The following CCDC85C variants were observed in gnomAD, a reference collection of about 807,000 sequenced individuals.
CCDC85C encodes the protein coiled-coil domain containing 85C.
In CCDC85C, 18 loss-of-function variants were observed where a neutral mutation model predicts 38.3. The observed-to-expected ratio is 0.47, with a 90% CI of 0.33 to 0.70. The LOEUF is 0.70. Among genes scored for constraint, CCDC85C ranks in the 30% least tolerant of loss-of-function variants. CCDC85C has a pLI of 0.03. For missense variants in CCDC85C, 566 were observed against 621.2 expected (o/e 0.91, Z 0.94); for synonymous variants, 264 against 293.8 (o/e 0.90, Z 1.04).
intron 1 of CCDC85C, among the ~76,000 whole-genome samples, chr14:99,566,410 T>A (rs1428352591): frequency 6.6e-6 from 1 of 152,144 alleles, no homozygotes; most frequent in Non-Finnish European, 1.5e-5. Context: ...TAGCCTAAGA[T>A]TTTGAATCCA....
rs572235587 is a variant in CCDC85C at position 99,503,101 on chromosome 14, C to G, written c.*12145G>C. The G allele has an allele frequency of 1.5e-5, 18 of 1,175,560 alleles. No individual in the cohort carries two copies. The East Asian group carries it at 2.1e-4, about 14-fold the overall frequency. The allele number at this position is 1,175,560 out of a possible 1,614,324, so 72.8% of individuals were successfully genotyped here. A position where few individuals can be genotyped will look rare whatever the true frequency, so the allele number is the denominator to read the frequency against. On this transcript the variant is annotated 3_prime_UTR_variant, in exon 6 of 6. Transcript: ENST00000380243. ...AACACCGGAAGCAGGGGGTGTTCGC[C>G]GAAACTCGCAGTCCGACTGCTTGTC... is the stretch of plus-strand genomic sequence containing the variant.
intron 2 of CCDC85C, chr14:99,534,679 C>A: frequency 1.4e-6 from 1 of 702,392 alleles, no homozygotes; most frequent in South Asian, 1.5e-5. Flanking sequence ...ACACACCCTC[C>A]TTAGCAACCA....
In CCDC85C at chr14:99,505,914, A is replaced by AT. The variant is rs1471463109; in HGVS notation, c.*9331dup. The AT allele has an allele frequency of 6.6e-6, 1 of 152,266 alleles. No homozygotes were observed. Among genetic ancestry groups the AT allele is most frequent in the Non-Finnish European group, 1.5e-5 (1 of 68,044 alleles). The allele number at this position is 152,266 out of a possible 1,614,324, so 9.4% of individuals were successfully genotyped here. A position where few individuals can be genotyped will look rare whatever the true frequency, so the allele number is the denominator to read the frequency against. ...TTGTAGATATGTGGCTCTCAGTTAT[A>AT]TTGCTGTTGGACAGCCCTGATGTAG... On this transcript the variant is annotated 3_prime_UTR_variant, in exon 6 of 6. Coordinates refer to ENST00000380243, the MANE Select transcript of CCDC85C (RefSeq NM_001144995.2).
intron 1 of CCDC85C, among the ~76,000 whole-genome samples, chr14:99,557,621 C>G (rs1898037061): frequency 6.6e-6 from 1 of 152,212 alleles, no homozygotes; most frequent in Non-Finnish European, 1.5e-5. Flanking sequence ...GAAAGGAATG[C>G]CCAGGGTACA....
chr14:99,522,531 A>G, intron 2 of CCDC85C: 1 of 262,772 alleles, frequency 3.8e-6, no homozygotes, highest in Non-Finnish European at 7.3e-6. Flanking sequence ...AGTGAGAGCG[A>G]GTGAGGAGAG....
At chr14:99,587,948 C>T (rs186252295) in intron 1 of CCDC85C, among the ~76,000 whole-genome samples, 119 of 152,302 alleles carry the variant, frequency 7.8e-4, no homozygotes, top group Non-Finnish European at 5.9e-5. Flanking sequence ...CTTCTGCATC[C>T]CTGTTCTCGT....
rs1178870458 is a variant in CCDC85C at position 99,603,011 on chromosome 14, G to A, written c.793+156C>T. 2.0e-5 allele frequency among the ~76,000 whole-genome samples: 3 copies of A among 152,218 alleles called. No individual in the cohort carries two copies. The highest frequency in any genetic ancestry group is 7.2e-5 in the African/African-American group (3 of 41,472). ...CCGCCCAAAGCCCCACTTTGGGTGA[G>A]TGCGGGATCCCCTGGCCCAGGATCC... On this transcript the variant is annotated intron_variant, in intron 1 of 5. Transcript: ENST00000380243. This position sits in a 1 kb window ranked among gnomAD's most constrained non-coding sequence, Gnocchi z 7.5.
At position 99,514,021 on chromosome 14, in the gene CCDC85C, T is replaced by G. The variant is rs1178680798; in HGVS notation, c.*1225A>C. 2.0e-5 allele frequency: 3 copies of G among 152,262 alleles called. No individual in the cohort carries two copies. The highest frequency in any genetic ancestry group is 4.4e-5 in the Non-Finnish European group (3 of 68,048). The allele number at this position is 152,262 out of a possible 1,614,324, so 9.4% of individuals were successfully genotyped here. Reference sequence around the variant, plus strand: ...CCATTTTACTACTGAGGACACGGGCTCAGAGTGGGGAGGCAACTCTCCACC... The same window carrying G: ...CCATTTTACTACTGAGGACACGGGCGCAGAGTGGGGAGGCAACTCTCCACC... On this transcript the variant is annotated 3_prime_UTR_variant, in exon 6 of 6. Transcript: ENST00000380243.
At position 99,558,906 on chromosome 14, in the gene CCDC85C, G is replaced by A. The variant is rs73342492; in HGVS notation, c.794-22818C>T. Among the ~76,000 whole-genome samples the A allele has an allele frequency of 2.0e-3, 309 of 152,262 alleles. No homozygotes were observed. The highest frequency in any genetic ancestry group is 7.1e-3 in the African/African-American group (293 of 41,542). On this transcript the variant is annotated intron_variant, in intron 1 of 5. Transcript: ENST00000380243. This position sits in a 1 kb window ranked among gnomAD's most constrained non-coding sequence, Gnocchi z 4.2. ...CGGATCATCCGGGTGGTTTCTGATG[G>A]TTTAGTGCCACCCCCTATTGCTGTT...
Position 99,507,312 on chromosome 14 carries a change from T to G in CCDC85C, c.*7934A>C, listed in dbSNP as rs919712653. On this transcript the variant is annotated 3_prime_UTR_variant, in exon 6 of 6. Coordinates refer to ENST00000380243, the MANE Select transcript of CCDC85C (RefSeq NM_001144995.2). ...TGTTCTTGGGCTGGGCACAATGGCT[T>G]GTGTTTTTGATCCCAGCACTTTGGG... 1 of 643,370 alleles carries G rather than the reference T, an allele frequency of 1.6e-6. No individual in the cohort carries two copies. Among genetic ancestry groups the G allele is most frequent in the African/African-American group, 1.8e-5 (1 of 55,092 alleles). The allele number at this position is 643,370 out of a possible 1,614,324, so 39.9% of individuals were successfully genotyped here. A position where few individuals can be genotyped will look rare whatever the true frequency, so the allele number is the denominator to read the frequency against.
At chr14:99,577,122 G>T (rs902823092) in intron 1 of CCDC85C, among the ~76,000 whole-genome samples, 4 of 151,888 alleles carry the variant, frequency 2.6e-5, no homozygotes, top group Admixed American at 6.6e-5. Flanking sequence ...CAACATCCCT[G>T]GGCTCGTCTC....
chr14:99,591,021 G>T (rs568469274), intron 1 of CCDC85C, among the ~76,000 whole-genome samples: 2 of 152,206 alleles, frequency 1.3e-5, no homozygotes, highest in Admixed American at 6.5e-5. Context: ...TGCCACAGCC[G>T]CTGCCAAGGG....
intron 1 of CCDC85C, among the ~76,000 whole-genome samples, chr14:99,592,025 C>A (rs2055093548): frequency 1.3e-5 from 2 of 152,196 alleles, no homozygotes; most frequent in African/African-American, 4.8e-5. Flanking sequence ...CGAGCCACCA[C>A]ACCCAGCCAG....
intron 1 of CCDC85C, among the ~76,000 whole-genome samples, chr14:99,568,533 T>G (rs922082078): frequency 4.6e-5 from 7 of 151,970 alleles, no homozygotes; most frequent in Admixed American, 4.6e-4. Flanking sequence ...GCACCCCCAC[T>G]ACCACAGGCA....
chr14:99,518,327 C>T (rs988345244), intron 3 of CCDC85C, among the ~76,000 whole-genome samples: 2 of 152,154 alleles, frequency 1.3e-5, no homozygotes, highest in African/African-American at 2.4e-5. Flanking sequence ...GACCAGGCCC[C>T]ACCCCTGAGG....
rs372216197 is a variant in CCDC85C at position 99,502,779 on chromosome 14, C to T, written c.*12467G>A. 1 of 1,613,194 alleles carries T rather than the reference C, an allele frequency of 6.2e-7. No homozygotes were observed. The highest frequency in any genetic ancestry group is 8.5e-7 in the Non-Finnish European group (1 of 1,179,402). On this transcript the variant is annotated 3_prime_UTR_variant, in exon 6 of 6. Coordinates refer to ENST00000380243, the MANE Select transcript of CCDC85C (RefSeq NM_001144995.2). ...GGAAAACAACAGATGCCTCATCACACCCCCCATCAGCTGCAACAGCCCCCA... is the reference window on the plus strand; with the variant it reads ...GGAAAACAACAGATGCCTCATCACATCCCCCATCAGCTGCAACAGCCCCCA...
intron 3 of CCDC85C, 91 bp from the exon 4 acceptor site, chr14:99,517,274 C>T (rs1897242211): frequency 2.0e-6 from 2 of 1,014,394 alleles, no homozygotes; most frequent in Admixed American, 2.7e-5. Flanking sequence ...TCTGAGGGGC[C>T]AGGGCCCAGG....
At chr14:99,599,688 G>A (rs1057040825) in intron 1 of CCDC85C, among the ~76,000 whole-genome samples, 4 of 152,078 alleles carry the variant, frequency 2.6e-5, no homozygotes, top group Non-Finnish European at 4.4e-5. Flanking sequence ...CCAGGTGTTC[G>A]AGACCAGCCT....
chr14:99,553,663 T>C (rs1897957038), intron 1 of CCDC85C, among the ~76,000 whole-genome samples: 1 of 152,192 alleles, frequency 6.6e-6, no homozygotes, highest in African/African-American at 2.4e-5. Context: ...GCACCCAGCA[T>C]GGCTCTTGAA....
Sources: gnomAD v4.1 joint callset for allele counts (sites outside exome capture counted in the v4.1 genomes callset) on GRCh38, gnomAD v4.1.1 for gene constraint, Gnocchi (gnomAD v3.1) non-coding constraint, MANE v1.5 for transcripts, NCBI Gene and HGNC (gene_info 2026-07-23, HGNC 2026-07-21) for gene names.